The following TANC1 variants were observed in gnomAD, a reference collection of about 807,000 sequenced individuals.
The protein encoded by TANC1 is protein TANC1.
TANC1 carries 77 observed loss-of-function variants against 149.7 expected under a neutral mutation model. The ratio of observed to expected loss-of-function variants is 0.51; its 90% confidence interval spans 0.43 to 0.62. TANC1 has a LOEUF of 0.62. TANC1 is among the 20% of genes least tolerant of loss of function. The pLI is 0.00. For missense variants in TANC1, 1,985 were observed against 2,321.8 expected (o/e 0.85, Z 2.98); for synonymous variants, 854 against 925.0 (o/e 0.92, Z 1.39).
At chr2:159,219,553 C>A in intron 21 of TANC1, 139 bp from the exon 22 acceptor site, 1 of 1,281,228 alleles carries the variant, frequency 7.8e-7, no homozygotes, top group Non-Finnish European at 1.1e-6. Context: ...ATTCTGCCAG[C>A]CCATCCGGCC....
intron 2 of TANC1, among the ~76,000 whole-genome samples, chr2:159,040,303 CG>C: frequency 6.6e-6 from 1 of 152,114 alleles, no homozygotes; most frequent in African/African-American, 2.4e-5. Flanking sequence ...TGAATGTTGG[CG>C]TGCCTTGCTA....
At chr2:159,210,552 GT>G (rs1319736752) in intron 19 of TANC1, among the ~76,000 whole-genome samples, 105 of 152,066 alleles carry the variant, frequency 6.9e-4, no homozygotes, top group Non-Finnish European at 2.9e-5. Context: ...TTGTTGTCAG[GT>G]TTTGTTTGTT....
intron 3 of TANC1, among the ~76,000 whole-genome samples, chr2:159,095,973 A>T (rs2046080610): frequency 6.6e-6 from 1 of 151,362 alleles, no homozygotes; most frequent in Admixed American, 6.6e-5. Flanking sequence ...TTCTTTTTTT[A>T]AAATCTGGTC....
At chr2:159,020,585 G>A (rs898147404) in intron 2 of TANC1, among the ~76,000 whole-genome samples, 2 of 152,158 alleles carry the variant, frequency 1.3e-5, no homozygotes, top group Non-Finnish European at 2.9e-5. Flanking sequence ...TAGCCACTGT[G>A]TGAAGAGTTT....
chr2:159,123,123 C>T (rs1307173658), intron 4 of TANC1, among the ~76,000 whole-genome samples: 2 of 152,208 alleles, frequency 1.3e-5, no homozygotes, highest in Non-Finnish European at 2.9e-5. Flanking sequence ...TCTCTGCACC[C>T]TGATCTTGGC....
chr2:159,166,184 G>C (rs1287648488), intron 8 of TANC1, among the ~76,000 whole-genome samples: 2 of 152,046 alleles, frequency 1.3e-5, no homozygotes, highest in Non-Finnish European at 2.9e-5. Context: ...TTGGGTAATG[G>C]GTTCTATTTT....
At chr2:159,168,136 A>C (rs971440072) in intron 8 of TANC1, among the ~76,000 whole-genome samples, 1 of 152,156 alleles carries the variant, frequency 6.6e-6, no homozygotes. Flanking sequence ...AAACCAAATT[A>C]GGTTAATTTT....
At chr2:159,011,310 C>G (rs1027819965) in intron 2 of TANC1, among the ~76,000 whole-genome samples, 1 of 151,836 alleles carries the variant, frequency 6.6e-6, no homozygotes. Context: ...TCACAGATTA[C>G]TTGGAAGTAA....
chr2:159,060,468 AT>A (rs1468135458), intron 2 of TANC1, among the ~76,000 whole-genome samples: 1 of 152,232 alleles, frequency 6.6e-6, no homozygotes. Context: ...CTAATATCTC[AT>A]TGTCTGATGT....
chr2:158,996,819 G>A (rs2036172776), intron 1 of TANC1, among the ~76,000 whole-genome samples: 1 of 152,148 alleles, frequency 6.6e-6, no homozygotes, highest in South Asian at 2.1e-4. Flanking sequence ...ATACCAATAG[G>A]AAGGGATGTC....
In TANC1 at chr2:159,224,330, A is replaced by G; in HGVS notation, c.3777A>G (p.Val1259=). The change falls in exon 23 of 27, where the codon GTA becomes GTG. Residue 1259 remains valine, a synonymous_variant. Transcript: ENST00000263635. ...CCATCGGCTGCCGGAACACATCTGT[A>G]GTGGTGGCGCTACTCAGAAAGGGAG... ...DRAIGCRNTS[V]VVALLRKGAK... The G allele has an allele frequency of 6.2e-7, 1 of 1,614,154 alleles. No individual in the cohort carries two copies. The highest frequency in any genetic ancestry group is 1.7e-5 in the Admixed American group (1 of 60,020).
chr2:159,158,855 G>A (rs2053706555), intron 7 of TANC1, among the ~76,000 whole-genome samples: 1 of 152,164 alleles, frequency 6.6e-6, no homozygotes, highest in African/African-American at 2.4e-5. Flanking sequence ...ATACCTCCTT[G>A]TGGACCCCCT....
chr2:159,191,265 T>C (rs1404467976), intron 16 of TANC1, among the ~76,000 whole-genome samples: 2 of 152,152 alleles, frequency 1.3e-5, no homozygotes, highest in African/African-American at 4.8e-5. Flanking sequence ...TCCCCATCCA[T>C]GGAGGGGCTC....
intron 23 of TANC1, chr2:159,225,269 G>A: frequency 4.0e-6 from 1 of 252,400 alleles, no homozygotes. Flanking sequence ...GAGCTGTAGG[G>A]TAGGAGAGAG....
chr2:158,990,477 T>A (rs2035507306), intron 1 of TANC1, among the ~76,000 whole-genome samples: 2 of 152,184 alleles, frequency 1.3e-5, no homozygotes, highest in Non-Finnish European at 2.9e-5. Context: ...AAGACCCAGG[T>A]TGAGGCTGGA....
chr2:159,125,125 C>T (rs1316885295), intron 4 of TANC1, among the ~76,000 whole-genome samples: 1 of 152,036 alleles, frequency 6.6e-6, no homozygotes, highest in East Asian at 1.9e-4. Flanking sequence ...CTTGTGAGCT[C>T]ACAACCAGGC....
chr2:159,229,604 TG>T lies in TANC1; in HGVS notation c.4179del (p.Gln1394LysfsTer4). ...CAATTCGTGGCAGCTCTGGCTGACC[TG>T]CAAGAGGCTGTGAAACTCTGTCCCA... ...SRQFVAALAD[L>X]QEAVKLCPTN... On this transcript the variant is annotated frameshift_variant, in exon 27 of 27. Transcript: ENST00000263635. LOFTEE classifies it low-confidence loss of function (END_TRUNC). The T allele has an allele frequency of 1.2e-6, 2 of 1,613,522 alleles. No homozygotes were observed. Among genetic ancestry groups the T allele is most frequent in the Non-Finnish European group, 1.7e-6 (2 of 1,179,876 alleles).
intron 2 of TANC1, among the ~76,000 whole-genome samples, chr2:159,037,818 G>A (rs1262102686): frequency 2.0e-5 from 3 of 152,214 alleles, no homozygotes; most frequent in African/African-American, 7.2e-5. Context: ...TTTTTGCTTA[G>A]GATTGCCTTG....
At position 158,968,857 on chromosome 2, in the gene TANC1, G is replaced by A. The variant is rs1035589126; in HGVS notation, c.-126+75G>A. ...ATGGCCAGCTGCCAGTGTGCGGAGA[G>A]GTCGAGAGGGACCCGGGGTGGAGAG... is the stretch of plus-strand genomic sequence containing the variant. On this transcript the variant is annotated intron_variant, in intron 1 of 26. Transcript: ENST00000263635. 2.0e-5 allele frequency: 3 copies of A among 152,444 alleles called. No individual in the cohort carries two copies. The East Asian group carries it at 5.8e-4, about 29-fold the overall frequency. The allele number at this position is 152,444 out of a possible 1,614,324, so 9.4% of individuals were successfully genotyped here. A position where few individuals can be genotyped will look rare whatever the true frequency, so the allele number is the denominator to read the frequency against.
Sources: allele counts gnomAD v4.1 joint callset (sites outside exome capture counted in the v4.1 genomes callset), GRCh38; gene constraint gnomAD v4.1.1; transcripts MANE v1.5; gene names NCBI Gene and HGNC (gene_info 2026-07-23, HGNC 2026-07-21).